The following PAM variants were observed in gnomAD, a reference collection of about 807,000 sequenced individuals.
PAM encodes the protein peptidyl-glycine alpha-amidating monooxygenase.
PAM carries 72 observed loss-of-function variants against 122.1 expected under a neutral mutation model. The observed-to-expected ratio is 0.59, with a 90% CI of 0.49 to 0.72. The LOEUF is 0.72. PAM is among the 30% of genes least tolerant of loss of function. PAM has a pLI of 0.00. For synonymous variants in PAM, 389 were observed against 404.4 expected (o/e 0.96, Z 0.46); for missense variants, 1,106 against 1,183.7 (o/e 0.93, Z 0.96).
chr5:102,927,229 C>T (rs1452362988), intron 7 of PAM, among the ~76,000 whole-genome samples: 3 of 152,174 alleles, frequency 2.0e-5, no homozygotes, highest in Admixed American at 6.5e-5. Flanking sequence ...TACCAGTGAT[C>T]GCTATGCACT....
intron 1 of PAM, among the ~76,000 whole-genome samples, chr5:102,810,897 A>G (rs868809602): frequency 6.6e-6 from 1 of 152,220 alleles, no homozygotes; most frequent in Non-Finnish European, 1.5e-5. Flanking sequence ...TGTGGGGAAC[A>G]TGGACTTGGA....
At chr5:102,810,217 A>G (rs182650165) in intron 1 of PAM, among the ~76,000 whole-genome samples, 67 of 152,324 alleles carry the variant, frequency 4.4e-4, no homozygotes, top group African/African-American at 1.6e-3. Context: ...TGCCATTTTG[A>G]ACCCTTAAAA....
intron 3 of PAM, among the ~76,000 whole-genome samples, chr5:102,882,052 A>AATATATATAT (rs61367764): frequency 9.7e-5 from 6 of 62,046 alleles, no homozygotes; most frequent in African/African-American, 1.6e-4. Flanking sequence ...TCCATCGTGG[A>AATATATATAT]ATATATATAT....
chr5:102,870,924 T>A (rs561181316), intron 3 of PAM, among the ~76,000 whole-genome samples: 1 of 152,300 alleles, frequency 6.6e-6, no homozygotes, highest in Non-Finnish European at 1.5e-5. Flanking sequence ...AACTCTCATA[T>A]CAAAAAACAA....
At chr5:102,850,250 G>C (rs1486291890) in intron 1 of PAM, among the ~76,000 whole-genome samples, 1 of 152,156 alleles carries the variant, frequency 6.6e-6, no homozygotes, top group African/African-American at 2.4e-5. Context: ...TCTGAACTGA[G>C]GATGTTTTTT....
intron 1 of PAM, among the ~76,000 whole-genome samples, chr5:102,861,729 A>C (rs1227731741): frequency 6.6e-6 from 1 of 152,242 alleles, no homozygotes; most frequent in Non-Finnish European, 1.5e-5. Context: ...AGGAAGTTAT[A>C]CTAAAGTGTT....
intron 3 of PAM, among the ~76,000 whole-genome samples, chr5:102,880,277 T>C (rs143348636): frequency 1.3e-5 from 2 of 150,906 alleles, no homozygotes; most frequent in Non-Finnish European, 2.9e-5. Flanking sequence ...TGAGAATCTG[T>C]CTCAAGGAAA....
intron 1 of PAM, among the ~76,000 whole-genome samples, chr5:102,771,886 A>T (rs1580863129): frequency 6.6e-6 from 1 of 152,136 alleles, no homozygotes; most frequent in East Asian, 1.9e-4. Flanking sequence ...GGTTTAAAAG[A>T]AGAAATGTTT....
At chr5:103,005,661 T>A (rs1778735985) in intron 18 of PAM, among the ~76,000 whole-genome samples, 1 of 152,182 alleles carries the variant, frequency 6.6e-6, no homozygotes, top group Non-Finnish European at 1.5e-5. Flanking sequence ...TGCTTCATAT[T>A]ACCATCATAT....
At chr5:102,823,761 T>G (rs1367264433) in intron 1 of PAM, among the ~76,000 whole-genome samples, 1 of 152,190 alleles carries the variant, frequency 6.6e-6, no homozygotes, top group Non-Finnish European at 1.5e-5. Context: ...TTATGTACTG[T>G]AAACACTTGT....
At chr5:102,862,993 T>C (rs1784589891) in intron 1 of PAM, among the ~76,000 whole-genome samples, 1 of 151,360 alleles carries the variant, frequency 6.6e-6, no homozygotes, top group African/African-American at 2.5e-5. Flanking sequence ...AGCTATCTTT[T>C]TTTTTTTTAA....
chr5:102,968,565 C>A (rs1764804375), intron 14 of PAM, among the ~76,000 whole-genome samples: 1 of 152,148 alleles, frequency 6.6e-6, no homozygotes, highest in Non-Finnish European at 1.5e-5. Flanking sequence ...TATGTTAACT[C>A]TGTCAACAAT....
intron 3 of PAM, among the ~76,000 whole-genome samples, chr5:102,876,788 C>T (rs965852478): frequency 7.9e-5 from 12 of 152,232 alleles, no homozygotes; most frequent in Non-Finnish European, 1.3e-4. Flanking sequence ...TCCATCCCGT[C>T]ACAGAGACTG....
intron 3 of PAM, among the ~76,000 whole-genome samples, chr5:102,898,716 C>T (rs1796855338): frequency 1.3e-5 from 2 of 151,386 alleles, no homozygotes; most frequent in Admixed American, 6.6e-5. Flanking sequence ...CTTTGATTCC[C>T]TTATTTCTCC....
At chr5:102,987,923 A>C (rs373776356) in intron 15 of PAM, among the ~76,000 whole-genome samples, 1 of 152,200 alleles carries the variant, frequency 6.6e-6, no homozygotes. Context: ...ATATTTCTAA[A>C]GCAAATTATT....
rs547627337 is a variant in PAM, at chr5:102,848,213, C to T, written c.-373-17610C>T. On this transcript the variant is annotated intron_variant, in intron 1 of 25. Coordinates refer to ENST00000438793, the MANE Select transcript of PAM (RefSeq NM_001177306.2). ...AGTCATAGAACTTGACTGTTCTTTA[C>T]TTTTCCCAGTTATAAGAAGAGGATG... Among the ~76,000 whole-genome samples the T allele has an allele frequency of 4.6e-5, 7 of 151,416 alleles. No homozygotes were observed. In the South Asian group the frequency reaches 8.3e-4, roughly 18 times the overall value.
At chr5:102,915,067 C>G (rs1292217097) in intron 5 of PAM, among the ~76,000 whole-genome samples, 2 of 152,064 alleles carry the variant, frequency 1.3e-5, no homozygotes, top group African/African-American at 4.8e-5. Context: ...TCTTGAAGAT[C>G]ACTGAACTCT....
At chr5:102,963,916 A>G (rs72783897) in intron 14 of PAM, among the ~76,000 whole-genome samples, 3,259 of 150,690 alleles carry the variant, frequency 0.022, 39 homozygotes, top group Non-Finnish European at 0.03. Flanking sequence ...ATCTTAATAC[A>G]TTGGAAAACA....
intron 1 of PAM, among the ~76,000 whole-genome samples, chr5:102,802,192 G>T (rs538679045): frequency 3.9e-5 from 6 of 152,228 alleles, no homozygotes; most frequent in African/African-American, 1.4e-4. Context: ...CTTCCTTTGG[G>T]ACTTATAATC....
Sources: gnomAD v4.1 joint callset for allele counts (sites outside exome capture counted in the v4.1 genomes callset) on GRCh38, gnomAD v4.1.1 for gene constraint, MANE v1.5 for transcripts, NCBI Gene and HGNC (gene_info 2026-07-23, HGNC 2026-07-21) for gene names.